DPYD: variants seen among roughly 807,000 people sequenced by gnomAD.
DPYD encodes dihydropyrimidine dehydrogenase [NADP(+)].
Under a neutral mutation model 116.2 loss-of-function variants are expected in DPYD, and 109 were observed. The observed-to-expected ratio is 0.94, with a 90% CI of 0.80 to 1.10. The LOEUF (loss-of-function observed/expected upper bound fraction) is 1.10. DPYD is among the 50% of genes least tolerant of loss of function. The probability of loss-of-function intolerance (pLI) is 0.00; values close to 1 mark genes in which losing one functional copy is unlikely to be tolerated. For missense variants in DPYD, 1,302 were observed against 1,254.5 expected (o/e 1.04, Z -0.57); for synonymous variants, 440 against 432.0 (o/e 1.02, Z -0.23).
chr1:97,813,270 T>C (rs1284291871), intron 3 of DPYD, among the ~76,000 whole-genome samples: 1 of 152,154 alleles, frequency 6.6e-6, no homozygotes, highest in East Asian at 1.9e-4. Flanking sequence ...AACAGCTTTT[T>C]CATCCAAGCT....
chr1:97,921,050 G>A, upstream of DPYD: 1 of 1,196,228 alleles, frequency 8.4e-7, no homozygotes, highest in Non-Finnish European at 1.2e-6. Context: ...CGGCGGCGCG[G>A]GGGCGGAGCG....
intron 1 of DPYD, among the ~76,000 whole-genome samples, chr1:97,888,973 A>G (rs1341167103): frequency 6.6e-6 from 1 of 152,066 alleles, no homozygotes; most frequent in African/African-American, 2.4e-5. Context: ...CCTGGCCAAC[A>G]TGGTGAAACC....
intron 2 of DPYD, among the ~76,000 whole-genome samples, chr1:97,841,279 T>C (rs944332273): frequency 6.6e-6 from 1 of 152,054 alleles, no homozygotes; most frequent in African/African-American, 2.4e-5. Flanking sequence ...TTATCACTCA[T>C]CATTATTCCC....
Position 97,549,680 on chromosome 1 carries a change from A to G in DPYD, c.1404T>C (p.Thr468=), listed in dbSNP as rs1651169703. Residue 468 remains threonine (T), a synonymous_variant, in exon 12 of 23, where the codon ACT becomes ACC. Coordinates refer to ENST00000370192, the MANE Select transcript of DPYD (RefSeq NM_000110.4). Reference sequence around the variant, plus strand: ...ATACCCATGCTTCACTAGTTTGCATAGTTTCTGGATCTACTTCTGGGAGAC... The same window carrying G: ...ATACCCATGCTTCACTAGTTTGCATGGTTTCTGGATCTACTTCTGGGAGAC... ...RWGLPEVDPE[T]MQTSEAWVFA... is the part of the protein sequence containing the mutation. 1.2e-6 allele frequency: 2 copies of G among 1,613,770 alleles called. No individual in the cohort carries two copies. The highest frequency in any genetic ancestry group is 8.5e-7 in the Non-Finnish European group (1 of 1,179,890).
intron 3 of DPYD, among the ~76,000 whole-genome samples, chr1:97,774,274 C>A (rs1010246657): frequency 2.0e-5 from 3 of 152,172 alleles, no homozygotes; most frequent in Non-Finnish European, 4.4e-5. Flanking sequence ...CAAAACACTG[C>A]CACCTCTCTC....
intron 18 of DPYD, among the ~76,000 whole-genome samples, chr1:97,292,787 G>A (rs1414677629): frequency 6.6e-6 from 1 of 151,634 alleles, no homozygotes; most frequent in Non-Finnish European, 1.5e-5. Flanking sequence ...TCTAGTATAA[G>A]CTTGCTATTA....
At chr1:97,314,290 T>C (rs1475506248) in intron 16 of DPYD, among the ~76,000 whole-genome samples, 1 of 151,832 alleles carries the variant, frequency 6.6e-6, no homozygotes, top group Non-Finnish European at 1.5e-5. Flanking sequence ...CCCTGGGACC[T>C]TGAGGGGAAG....
At chr1:97,686,585 C>T (rs1346259936) in intron 7 of DPYD, among the ~76,000 whole-genome samples, 2 of 128,946 alleles carry the variant, frequency 1.6e-5, no homozygotes, top group Admixed American at 9.4e-5. Flanking sequence ...TGCAGTGAGC[C>T]GAGATCGCGC....
chr1:97,423,173 T>C (rs530933230), intron 14 of DPYD, among the ~76,000 whole-genome samples: 1 of 152,226 alleles, frequency 6.6e-6, no homozygotes, highest in East Asian at 1.9e-4. Flanking sequence ...CATATTGTAA[T>C]GATTTTACTA....
intron 16 of DPYD, among the ~76,000 whole-genome samples, chr1:97,348,910 T>C (rs547881157): frequency 6.6e-6 from 1 of 152,302 alleles, no homozygotes; most frequent in South Asian, 2.1e-4. Flanking sequence ...TCTGCTTCAG[T>C]TCTCTGAGCT....
rs572654603 is a variant in DPYD at position 97,864,007 on chromosome 1, T to C, written c.150+19257A>G. On this transcript the variant is annotated intron_variant, in intron 2 of 22. Coordinates refer to ENST00000370192, the MANE Select transcript of DPYD (RefSeq NM_000110.4). ...AGCACACAATAAAATGCCAGGAACTTAGTAGGTAAAGGAACTTATATCCTT... is the reference window on the plus strand; with the variant it reads ...AGCACACAATAAAATGCCAGGAACTCAGTAGGTAAAGGAACTTATATCCTT... 8.2e-4 allele frequency among the ~76,000 whole-genome samples: 124 copies of C among 152,012 alleles called. 3 individuals carry two copies. The South Asian group carries it at 0.024, about 30-fold the overall frequency.
chr1:97,113,730 A>G (rs1180604584), intron 20 of DPYD, among the ~76,000 whole-genome samples: 1 of 152,156 alleles, frequency 6.6e-6, no homozygotes, highest in African/African-American at 2.4e-5. Flanking sequence ...TCTATATTTC[A>G]TCACATTTAA....
chr1:97,430,682 C>T (rs1049162438), intron 14 of DPYD, among the ~76,000 whole-genome samples: 5 of 152,082 alleles, frequency 3.3e-5, no homozygotes, highest in Non-Finnish European at 1.5e-5. Context: ...AAGCATGGGG[C>T]TTGGCCCTAG....
At chr1:97,194,409 G>C (rs1233913455) in intron 19 of DPYD, among the ~76,000 whole-genome samples, 1 of 152,088 alleles carries the variant, frequency 6.6e-6, no homozygotes, top group African/African-American at 2.4e-5. Flanking sequence ...TGCCATGATT[G>C]TAAGTTTCCC....
chr1:97,114,278 T>C (rs1018448661), intron 20 of DPYD, among the ~76,000 whole-genome samples: 1 of 152,160 alleles, frequency 6.6e-6, no homozygotes, highest in Non-Finnish European at 1.5e-5. Context: ...GTCTTTATTG[T>C]TTCTTGACTC....
rs548610181 is a variant in DPYD, at chr1:97,857,480, A to G, written c.150+25784T>C. ...GAGCTGAAGGACAAGCTGATTACCA[A>G]TGGCCATGGTTTAATCAGTCACGCC... is the stretch of plus-strand genomic sequence containing the variant. On this transcript the variant is annotated intron_variant, in intron 2 of 22. Coordinates refer to ENST00000370192, the MANE Select transcript of DPYD (RefSeq NM_000110.4). Among the ~76,000 whole-genome samples, 11 of 152,190 alleles carry G rather than the reference A, an allele frequency of 7.2e-5. No individual in the cohort carries two copies. The East Asian group carries it at 1.2e-3, about 16-fold the overall frequency.
intron 7 of DPYD, among the ~76,000 whole-genome samples, chr1:97,690,496 A>C (rs1660958189): frequency 6.6e-6 from 1 of 151,976 alleles, no homozygotes; most frequent in African/African-American, 2.4e-5. Context: ...TAGAAAGTGT[A>C]ATGATCAAAT....
intron 3 of DPYD, among the ~76,000 whole-genome samples, chr1:97,798,467 C>T (rs1571375788): frequency 2.0e-5 from 3 of 151,938 alleles, no homozygotes; most frequent in African/African-American, 7.2e-5. Context: ...AATATCTTCA[C>T]CTCAATCCTG....
chr1:97,498,869 A>C (rs1024891059), intron 13 of DPYD, among the ~76,000 whole-genome samples: 7 of 151,668 alleles, frequency 4.6e-5, no homozygotes, highest in Admixed American at 3.3e-4. Context: ...ATAGATTAAA[A>C]TTTAATAGAA....
Sources: allele counts gnomAD v4.1 joint callset (sites outside exome capture counted in the v4.1 genomes callset), GRCh38; gene constraint gnomAD v4.1.1; transcripts MANE v1.5; gene names NCBI Gene and HGNC (gene_info 2026-07-23, HGNC 2026-07-21).